SPOCK2: variants seen among roughly 807,000 people sequenced by gnomAD.
SPOCK2 encodes the protein testican-2.
In SPOCK2, 39 loss-of-function variants were observed where a neutral mutation model predicts 60.1. The observed-to-expected ratio is 0.65, with a 90% CI of 0.50 to 0.85. SPOCK2 has a LOEUF of 0.85. Among genes scored for constraint, SPOCK2 ranks in the 40% least tolerant of loss-of-function variants. The probability of loss-of-function intolerance (pLI) is 0.00; values close to 1 mark genes in which losing one functional copy is unlikely to be tolerated. For missense variants in SPOCK2, 523 were observed against 567.4 expected, an observed-to-expected ratio of 0.92 and a Z score of 0.80; for synonymous variants, 217 against 231.5, an observed-to-expected ratio of 0.94 and a Z score of 0.57.
chr10:72,088,483 T>C lies in SPOCK2; in HGVS notation c.-155A>G, dbSNP rs1840897333. 1.2e-6 allele frequency: 1 copy of C among 843,534 alleles called. No homozygotes were observed. Among genetic ancestry groups the C allele is most frequent in the Non-Finnish European group, 1.8e-6 (1 of 562,570 alleles). 52.3% of individuals were successfully genotyped at this position (843,534 alleles called of 1,614,324 possible). ...GGCGGAGAGTGGGTCGCGGCTGAAA[T>C]GTGACCTGGTTAGGAGATGCACTTG... On this transcript the variant is annotated 5_prime_UTR_variant, in exon 1 of 11. Transcript: ENST00000373109.
rs80248639 is a variant in SPOCK2, at chr10:72,069,902, T to A, written c.474+410A>T. ...ATTTCCTGCTGCCCCAGAAGGCCCC[T>A]GCTCACTGGTGAACACTGGCGCCTC... On this transcript the variant is annotated intron_variant, in intron 5 of 10. Coordinates refer to ENST00000373109, the MANE Select transcript of SPOCK2 (RefSeq NM_001244950.2). 94 of 159,580 alleles carry A rather than the reference T, an allele frequency of 5.9e-4. 1 individual carries two copies. In the East Asian group the frequency reaches 0.016, roughly 27 times the overall value. 9.9% of individuals were successfully genotyped at this position (159,580 alleles called of 1,614,324 possible).
In SPOCK2 at chr10:72,063,135, T is replaced by G; in HGVS notation, c.1019A>C (p.Asp340Ala). The G allele has an allele frequency of 6.4e-7, 1 of 1,556,980 alleles. No homozygotes were observed. ...PGIFIPSCDEDGYYRKMQCDQ... is the reference protein window; with the variant it reads ...PGIFIPSCDEAGYYRKMQCDQ... ...ACACTGCATCTTCCGGTAGTAGCCA[T>G]CCTCGTCGCAGCTCGGGATGAAGAT... is the stretch of plus-strand genomic sequence containing the variant. Residue 340 changes from aspartate to alanine, a missense_variant, in exon 10 of 11, where the codon GAT (aspartate) becomes GCT (alanine). Physicochemically the swap from Asp to Ala is moderately radical, Grantham distance 126. Coordinates refer to ENST00000373109, the MANE Select transcript of SPOCK2 (RefSeq NM_001244950.2).
At chr10:72,084,044 AGCCG>A (rs1840823205) in intron 1 of SPOCK2, among the ~76,000 whole-genome samples, 1 of 152,124 alleles carries the variant, frequency 6.6e-6, no homozygotes, top group Non-Finnish European at 1.5e-5. Flanking sequence ...CGATATTGTT[AGCCG>A]GCAGGTAACA....
At chr10:72,063,238 C>G (rs973331265) in intron 9 of SPOCK2, 76 bp from the exon 10 acceptor site, 26 of 1,534,048 alleles carry the variant, frequency 1.7e-5, no homozygotes, top group Non-Finnish European at 2.3e-5. Context: ...ACCTCAGGTC[C>G]TCATGCATGA....
chr10:72,081,731 C>T (rs1376969833), intron 1 of SPOCK2, among the ~76,000 whole-genome samples: 1 of 152,230 alleles, frequency 6.6e-6, no homozygotes, highest in Non-Finnish European at 1.5e-5. Flanking sequence ...CACTGAAATT[C>T]AGGGAGCTGG....
intron 8 of SPOCK2, 48 bp from the exon 9 acceptor site, chr10:72,064,288 G>A (rs773707454): frequency 4.0e-6 from 6 of 1,515,462 alleles, no homozygotes; most frequent in Middle Eastern, 1.8e-4. Context: ...CTGGTGCTGG[G>A]GGGATGCACT....
At chr10:72,078,592 C>A (rs140563455) in intron 1 of SPOCK2, among the ~76,000 whole-genome samples, 1 of 151,868 alleles carries the variant, frequency 6.6e-6, no homozygotes, top group African/African-American at 2.4e-5. Flanking sequence ...ATTTTGAAAG[C>A]CTTTCACGGG....
At position 72,088,325 on chromosome 10, in the gene SPOCK2, G is replaced by A. The variant is rs1241818033; in HGVS notation, c.4C>T (p.Arg2Cys). 4 of 1,572,886 alleles carry A rather than the reference G, an allele frequency of 2.5e-6. No individual in the cohort carries two copies. The highest frequency in any genetic ancestry group is 3.4e-6 in the Non-Finnish European group (4 of 1,164,158). MRAPGCGRLVLP... is the reference protein window; with the variant it reads MCAPGCGRLVLP... Reference sequence around the variant, plus strand: ...ACCAGCCGCCCGCAGCCCGGGGCGCGCATCGTGGTCTGGGTTCGACCTGGG... The same window carrying A: ...ACCAGCCGCCCGCAGCCCGGGGCGCACATCGTGGTCTGGGTTCGACCTGGG... The change falls in exon 1 of 11, where the codon CGC (arginine) becomes TGC (cysteine). Residue 2 changes from arginine to cysteine, a missense_variant. Coordinates refer to ENST00000373109, the MANE Select transcript of SPOCK2 (RefSeq NM_001244950.2).
Position 72,088,434 on chromosome 10 carries a change from T to G in SPOCK2, c.-106A>C. ...CGCACGCGGCTGTCCTCAGCTCTCC[T>G]CCCGCGGTCTGCCTCCGGTGACTGG... On this transcript the variant is annotated 5_prime_UTR_variant, in exon 1 of 11. Transcript: ENST00000373109. 1 of 1,327,854 alleles carries G rather than the reference T, an allele frequency of 7.5e-7. No homozygotes were observed. The highest frequency in any genetic ancestry group is 9.9e-7 in the Non-Finnish European group (1 of 1,005,276). The allele number at this position is 1,327,854 out of a possible 1,614,324, so 82.3% of individuals were successfully genotyped here. A position where few individuals can be genotyped will look rare whatever the true frequency, so the allele number is the denominator to read the frequency against.
At chr10:72,085,944 C>T in intron 1 of SPOCK2, among the ~76,000 whole-genome samples, 1 of 152,164 alleles carries the variant, frequency 6.6e-6, no homozygotes, top group Non-Finnish European at 1.5e-5. Context: ...TCAGGGGGCA[C>T]CATTTCTATT....
At chr10:72,069,824 C>T (rs945407264) in intron 5 of SPOCK2, among the ~76,000 whole-genome samples, 1 of 152,172 alleles carries the variant, frequency 6.6e-6, no homozygotes, top group Non-Finnish European at 1.5e-5. Context: ...ACATAAGGTG[C>T]AAATTCATTC....
chr10:72,065,423 G>A (rs1312470441), intron 8 of SPOCK2, among the ~76,000 whole-genome samples: 1 of 152,240 alleles, frequency 6.6e-6, no homozygotes, highest in East Asian at 1.9e-4. Context: ...TGCACAGGTT[G>A]TAACCTGGGA....
chr10:72,063,848 G>A (rs1245476454), intron 9 of SPOCK2, among the ~76,000 whole-genome samples: 1 of 152,204 alleles, frequency 6.6e-6, no homozygotes, highest in Non-Finnish European at 1.5e-5. Context: ...TCAGGGAGTG[G>A]CCTCACTAAA....
intron 1 of SPOCK2, among the ~76,000 whole-genome samples, chr10:72,084,344 A>G (rs900062648): frequency 4.6e-5 from 7 of 152,180 alleles, no homozygotes; most frequent in African/African-American, 7.2e-5. Flanking sequence ...GGTTTAGGTG[A>G]TGTGCCCGGC....
Position 72,067,679 on chromosome 10 carries a change from A to G in SPOCK2, c.643T>C (p.Phe215Leu). The G allele has an allele frequency of 8.7e-6, 14 of 1,613,726 alleles. No homozygotes were observed. Among genetic ancestry groups the G allele is most frequent in the Non-Finnish European group, 1.2e-5 (14 of 1,179,954 alleles). The change falls in exon 7 of 11, where the codon TTC (phenylalanine) becomes CTC (leucine). Residue 215 changes from phenylalanine (F) to leucine (L), a missense_variant. Physicochemically the swap from Phe to Leu is conservative, Grantham distance 22 (BLOSUM62 0). Transcript: ENST00000373109. ...ADLGDRLRDW[F>L]QLLHENSKQN... Reference sequence around the variant, plus strand: ...TTGGAGTTCTCATGAAGGAGCTGGAACCAGTCCCGCAGCCGATCTCCCAGG... The same window carrying G: ...TTGGAGTTCTCATGAAGGAGCTGGAGCCAGTCCCGCAGCCGATCTCCCAGG...
intron 1 of SPOCK2, among the ~76,000 whole-genome samples, chr10:72,078,431 A>G (rs1196170473): frequency 6.6e-6 from 1 of 152,066 alleles, no homozygotes; most frequent in Non-Finnish European, 1.5e-5. Flanking sequence ...GAATGGCGTG[A>G]ACCCGGTAGG....
chr10:72,069,763 T>A (rs1422496390), intron 5 of SPOCK2, among the ~76,000 whole-genome samples: 1 of 152,204 alleles, frequency 6.6e-6, no homozygotes, highest in Non-Finnish European at 1.5e-5. Context: ...CAGCCTAAAA[T>A]TTTTTAAATG....
At chr10:72,072,759 C>T in intron 2 of SPOCK2, 143 bp downstream of exon 2, 1 of 1,402,470 alleles carries the variant, frequency 7.1e-7, no homozygotes, top group Non-Finnish European at 9.9e-7. Flanking sequence ...TTTCCAGCCT[C>T]TCCCGTGAGC....
Position 72,062,685 on chromosome 10 carries a change from C to T in SPOCK2, c.*75G>A. 6.5e-7 allele frequency: 1 copy of T among 1,531,748 alleles called. No homozygotes were observed. Among genetic ancestry groups the T allele is most frequent in the Non-Finnish European group, 8.7e-7 (1 of 1,149,006 alleles). The allele number at this position is 1,531,748 out of a possible 1,614,324, so 94.9% of individuals were successfully genotyped here. A position where few individuals can be genotyped will look rare whatever the true frequency, so the allele number is the denominator to read the frequency against. On this transcript the variant is annotated 3_prime_UTR_variant, in exon 11 of 11. Transcript: ENST00000373109. The surrounding 1 kb of genome is among the most constrained non-coding windows in gnomAD (Gnocchi z 4.3). ...GGTCCTTCTGACTGCATTTCTGGAT[C>T]CGTTCTCGAAGTTGCCTGCTGCTGC...
Sources: allele counts gnomAD v4.1 joint callset (sites outside exome capture counted in the v4.1 genomes callset), GRCh38; gene constraint gnomAD v4.1.1; non-coding constraint Gnocchi (gnomAD v3.1); transcripts MANE v1.5; gene names NCBI Gene and HGNC (gene_info 2026-07-23, HGNC 2026-07-21).